The following PRKCA variants were observed in gnomAD, a reference collection of about 807,000 sequenced individuals.
The protein encoded by PRKCA is protein kinase C alpha.
PRKCA carries 27 observed loss-of-function variants against 87.0 expected under a neutral mutation model. The ratio of observed to expected loss-of-function variants is 0.31; its 90% CI spans 0.23 to 0.43. The LOEUF is 0.43. PRKCA is among the 20% of genes least tolerant of loss of function. The probability of loss-of-function intolerance (pLI) is 1.00; values close to 1 mark genes in which losing one functional copy is unlikely to be tolerated. For missense variants in PRKCA, 518 were observed against 852.3 expected (o/e 0.61, Z 4.88); for synonymous variants, 329 against 311.1 (o/e 1.06, Z -0.61).
At chr17:66,504,144 G>A (rs558528544) in intron 3 of PRKCA, among the ~76,000 whole-genome samples, 2 of 152,296 alleles carry the variant, frequency 1.3e-5, no homozygotes, top group African/African-American at 4.8e-5. Context: ...TCAGCCCCAA[G>A]TTTCATTATA....
intron 13 of PRKCA, among the ~76,000 whole-genome samples, chr17:66,756,718 G>A (rs1266385955): frequency 1.3e-5 from 2 of 152,078 alleles, no homozygotes; most frequent in Non-Finnish European, 2.9e-5. Flanking sequence ...CTGGAGTCCA[G>A]TAGCATGATC....
chr17:66,776,870 A>C (rs1424124211), intron 14 of PRKCA, among the ~76,000 whole-genome samples: 6 of 152,108 alleles, frequency 3.9e-5, no homozygotes, highest in African/African-American at 1.4e-4. Context: ...CAGTGTGTTT[A>C]CTGGAGTTAC....
At chr17:66,481,237 CA>C (rs1403788180) in intron 2 of PRKCA, among the ~76,000 whole-genome samples, 1 of 152,108 alleles carries the variant, frequency 6.6e-6, no homozygotes, top group Non-Finnish European at 1.5e-5. Flanking sequence ...CTAAAAGCTC[CA>C]GGGGGGCCCC....
chr17:66,589,843 C>T (rs1190667219), intron 3 of PRKCA, among the ~76,000 whole-genome samples: 1 of 152,024 alleles, frequency 6.6e-6, no homozygotes, highest in African/African-American at 2.4e-5. Context: ...TTCCATGGAC[C>T]CGGTTGTGGT....
intron 3 of PRKCA, among the ~76,000 whole-genome samples, chr17:66,519,488 G>A (rs368498963): frequency 1.4e-4 from 21 of 152,132 alleles, no homozygotes; most frequent in Non-Finnish European, 2.4e-4. Flanking sequence ...GCTGCCCTGG[G>A]ACTATCTCTT....
intron 2 of PRKCA, among the ~76,000 whole-genome samples, chr17:66,493,385 G>A (rs569025351): frequency 6.6e-6 from 1 of 151,658 alleles, no homozygotes; most frequent in Admixed American, 6.6e-5. Context: ...CTTGGCATCA[G>A]CTCTTTACCC....
In PRKCA at chr17:66,311,695, A is replaced by G. The variant is rs559489528; in HGVS notation, c.205+5568A>G. Reference sequence around the variant, plus strand: ...TTTTCCTCCGTAAAACTGCATTAATACTTAGAAGTAGGGATGGTTAGATAA... The same window carrying G: ...TTTTCCTCCGTAAAACTGCATTAATGCTTAGAAGTAGGGATGGTTAGATAA... On this transcript the variant is annotated intron_variant, in intron 2 of 16. Transcript: ENST00000413366. 7.2e-5 allele frequency among the ~76,000 whole-genome samples: 11 copies of G among 152,302 alleles called. No individual in the cohort carries two copies. The South Asian group carries it at 2.1e-3, about 29-fold the overall frequency.
At chr17:66,720,059 G>C (rs777202965) in intron 8 of PRKCA, among the ~76,000 whole-genome samples, 1 of 152,236 alleles carries the variant, frequency 6.6e-6, no homozygotes, top group Non-Finnish European at 1.5e-5. Flanking sequence ...CGAGCCGTGC[G>C]TGCTCATCCC....
rs1208571049 is a variant in PRKCA, at chr17:66,626,138, C to G, written c.289-15217C>G. On this transcript the variant is annotated intron_variant, in intron 3 of 16. Transcript: ENST00000413366. ...GCTACCTTTAAGTTGGTTGCAAGAGCCCAAAGGCTACCATTTGGTTTGGTT... is the reference window on the plus strand; with the variant it reads ...GCTACCTTTAAGTTGGTTGCAAGAGGCCAAAGGCTACCATTTGGTTTGGTT... 2.6e-5 allele frequency among the ~76,000 whole-genome samples: 4 copies of G among 152,046 alleles called. No individual in the cohort carries two copies. In the East Asian group the frequency reaches 5.8e-4, roughly 22 times the overall value.
intron 4 of PRKCA, among the ~76,000 whole-genome samples, chr17:66,643,057 TAAAAA>T (rs1299810424): frequency 6.6e-6 from 1 of 151,442 alleles, no homozygotes; most frequent in Non-Finnish European, 1.5e-5. Context: ...ACTAGAAAAA[TAAAAA>T]AAAGAAACCC....
chr17:66,532,623 T>C (rs1484461947), intron 3 of PRKCA, among the ~76,000 whole-genome samples: 4 of 152,100 alleles, frequency 2.6e-5, no homozygotes, highest in Middle Eastern at 3.2e-3. Context: ...CCTCCCAGAA[T>C]GCTAGGATTA....
intron 3 of PRKCA, among the ~76,000 whole-genome samples, chr17:66,632,065 G>A (rs1971029694): frequency 6.6e-6 from 1 of 152,120 alleles, no homozygotes; most frequent in African/African-American, 2.4e-5. Context: ...TGCCAACAAA[G>A]CCCCTGTGTA....
intron 2 of PRKCA, among the ~76,000 whole-genome samples, chr17:66,353,135 C>G (rs778954198): frequency 3.3e-5 from 5 of 152,244 alleles, no homozygotes; most frequent in African/African-American, 1.2e-4. Flanking sequence ...CTATGATTTG[C>G]ATTAAACTAA....
chr17:66,390,407 T>C (rs1357401438), intron 2 of PRKCA, among the ~76,000 whole-genome samples: 1 of 152,100 alleles, frequency 6.6e-6, no homozygotes, highest in East Asian at 1.9e-4. Context: ...AAAAGCCATA[T>C]AGGAAAGAAA....
intron 2 of PRKCA, chr17:66,364,217 A>C (rs973752769): frequency 6.6e-6 from 1 of 152,152 alleles, no homozygotes; most frequent in African/African-American, 2.4e-5. Context: ...GAACCTACCC[A>C]GGTCAGAACT....
At chr17:66,511,894 T>A (rs8070338) in intron 3 of PRKCA, among the ~76,000 whole-genome samples, 1 of 151,536 alleles carries the variant, frequency 6.6e-6, no homozygotes, top group Admixed American at 6.6e-5. Context: ...TTGGCCAGGG[T>A]GGTCTTGAAC....
chr17:66,749,036 G>GGTATCTTGGAGAAGCCAAAGCCTTC (rs1325792545), intron 13 of PRKCA, among the ~76,000 whole-genome samples: 14 of 149,274 alleles, frequency 9.4e-5, no homozygotes, highest in Non-Finnish European at 1.2e-4. Flanking sequence ...CTCTGAATTG[G>GGTATCTTGGAGAAGCCAAAGCCTTC]AACCCCCTCC....
intron 2 of PRKCA, among the ~76,000 whole-genome samples, chr17:66,481,238 A>G (rs562015010): frequency 3.9e-5 from 6 of 152,172 alleles, no homozygotes; most frequent in Admixed American, 3.3e-4. Flanking sequence ...TAAAAGCTCC[A>G]GGGGGGCCCC....
At chr17:66,584,253 G>A (rs902737636) in intron 3 of PRKCA, among the ~76,000 whole-genome samples, 5 of 144,984 alleles carry the variant, frequency 3.4e-5, no homozygotes, top group East Asian at 3.9e-4. Context: ...ATGGAATCTC[G>A]CTCTGTCGCC....
Sources: gnomAD v4.1 joint callset for allele counts (sites outside exome capture counted in the v4.1 genomes callset) on GRCh38, gnomAD v4.1.1 for gene constraint, MANE v1.5 for transcripts, NCBI Gene and HGNC (gene_info 2026-07-23, HGNC 2026-07-21) for gene names.